MAPKBP1: variants seen among roughly 807,000 people sequenced by gnomAD.
MAPKBP1 encodes the protein mitogen-activated protein kinase binding protein 1, also known as mitogen-activated protein kinase-binding protein 1.
MAPKBP1 carries 71 observed loss-of-function variants against 170.5 expected under a neutral mutation model. The ratio of observed to expected loss-of-function variants is 0.42; its 90% CI spans 0.34 to 0.51. The LOEUF (loss-of-function observed/expected upper bound fraction) is 0.51. MAPKBP1 is among the 20% of genes least tolerant of loss of function. The pLI is 0.06. For synonymous variants in MAPKBP1, 719 were observed against 757.9 expected (o/e 0.95, Z 0.84); for missense variants, 1,598 against 1,933.0 (o/e 0.83, Z 3.25).
chr15:41,811,660 T>C (rs754500541), intron 5 of MAPKBP1: 4 of 635,310 alleles, frequency 6.3e-6, no homozygotes, highest in South Asian at 4.5e-5. Context: ...TAGACCTGAG[T>C]GGTAGTGGCT....
intron 3 of MAPKBP1, 51 bp from the exon 4 acceptor site, chr15:41,810,832 C>T: frequency 6.3e-7 from 1 of 1,579,106 alleles, no homozygotes; most frequent in South Asian, 1.1e-5. Flanking sequence ...TGGAGGGCTC[C>T]TGGGGGAGCT....
intron 2 of MAPKBP1, among the ~76,000 whole-genome samples, chr15:41,775,894 A>T (rs12905631): frequency 3.3e-4 from 51 of 152,350 alleles, no homozygotes; most frequent in Admixed American, 1.4e-3. Flanking sequence ...TGTCTCTTCA[A>T]GAGGCTAACT....
chr15:41,819,547 C>CGGGGGGGGGGTGGGGGGGGGGG, intron 21 of MAPKBP1, 48 bp from the exon 22 acceptor site: 2 of 1,228,204 alleles, frequency 1.6e-6, no homozygotes, highest in African/African-American at 1.9e-5. Context: ...GGTTGGGTGG[C>CGGGGGGGGGGTGGGGGGGGGGG]GGGGGGGGGG....
intron 2 of MAPKBP1, among the ~76,000 whole-genome samples, chr15:41,782,420 T>A (rs978844071): frequency 6.6e-6 from 1 of 152,206 alleles, no homozygotes; most frequent in Non-Finnish European, 1.5e-5. Flanking sequence ...AGGGACGTGA[T>A]GCGAATGTTG....
Position 41,816,981 on chromosome 15 carries a change from C to T in MAPKBP1, c.1657C>T (p.Leu553=). The T allele has an allele frequency of 6.2e-7, 1 of 1,611,880 alleles. No individual in the cohort carries two copies. The highest frequency in any genetic ancestry group is 8.5e-7 in the Non-Finnish European group (1 of 1,178,438). Residue 553 remains leucine (L), a synonymous_variant, in exon 14 of 31, where the codon CTA becomes TTA. Transcript: ENST00000457542. ...GCTGGATGCCGGGCGGGAGTACAGC[C>T]TACAGCAGACGCTGGACGAACACTC... is the stretch of plus-strand genomic sequence containing the variant. The part of the protein sequence containing the change: ...HVLDAGREYS[L]QQTLDEHSSS...
Position 41,822,113 on chromosome 15 carries a change from G to A in MAPKBP1, c.3031+3G>A, listed in dbSNP as rs1294869017. 2 of 1,600,618 alleles carry A rather than the reference G, an allele frequency of 1.2e-6. No individual in the cohort carries two copies. The highest frequency in any genetic ancestry group is 1.7e-6 in the Non-Finnish European group (2 of 1,173,280). The stretch of plus-strand genomic sequence containing the variant: ...CAGCCCGGAGCACCCCACTGAAGGT[G>A]AGGCTGTAGCCTGGAGGGAGGGGCC... On this transcript the variant is annotated splice_donor_region_variant and intron_variant, in intron 25 of 30. Coordinates refer to ENST00000457542, the MANE Select transcript of MAPKBP1 (RefSeq NM_014994.3).
At position 41,824,552 on chromosome 15, in the gene MAPKBP1, G is replaced by T. The variant is rs561678673; in HGVS notation, c.4282G>T (p.Val1428Leu). The T allele has an allele frequency of 1.2e-4, 196 of 1,599,426 alleles. No individual in the cohort carries two copies. Among genetic ancestry groups the T allele is most frequent in the Admixed American group, 7.7e-4 (45 of 58,552 alleles). The change falls in exon 30 of 31, where the codon GTG (valine) becomes TTG (leucine). Residue 1428 changes from valine to leucine, a missense_variant. Val to Leu is a conservative substitution (Grantham distance 32, BLOSUM62 1). Coordinates refer to ENST00000457542, the MANE Select transcript of MAPKBP1 (RefSeq NM_014994.3). Reference sequence around the variant, plus strand: ...GCTCCGCGGCAGCGTGCGCCAGGCAGTGCGGCTCTACCACTCGGTGGGTGT... The same window carrying T: ...GCTCCGCGGCAGCGTGCGCCAGGCATTGCGGCTCTACCACTCGGTGGGTGT... ...AELRGSVRQA[V>L]RLYHSVAGCK...
chr15:41,817,086 A>G lies in MAPKBP1; in HGVS notation c.1711+51A>G, dbSNP rs1188209171. The G allele has an allele frequency of 4.6e-6, 7 of 1,535,532 alleles. No homozygotes were observed. In the Admixed American group the frequency reaches 7.9e-5, roughly 17 times the overall value. On this transcript the variant is annotated intron_variant, in intron 14 of 30. Transcript: ENST00000457542. The surrounding 1 kb of genome is among the most constrained non-coding windows in gnomAD (Gnocchi z 4.2). ...TCCTGCCACTCTCACCCCTGCTGCCATCTGCCTCCCACCTCCATGAGAAGG... is the reference window on the plus strand; with the variant it reads ...TCCTGCCACTCTCACCCCTGCTGCCGTCTGCCTCCCACCTCCATGAGAAGG...
intron 5 of MAPKBP1, 51 bp downstream of exon 5, chr15:41,811,286 C>T: frequency 6.2e-7 from 1 of 1,603,218 alleles, no homozygotes; most frequent in Non-Finnish European, 8.5e-7. Context: ...GGTGTCCTGG[C>T]CTCCGCAGAG....
At chr15:41,808,842 G>A (rs1567146309) in intron 3 of MAPKBP1, among the ~76,000 whole-genome samples, 1 of 151,928 alleles carries the variant, frequency 6.6e-6, no homozygotes, top group South Asian at 2.1e-4. Flanking sequence ...CTAGAAAGTG[G>A]TATAAAAAGA....
rs376788678 is a variant in MAPKBP1 at position 41,799,656 on chromosome 15, G to T, written c.115-167G>T. On this transcript the variant is annotated intron_variant, in intron 2 of 30. Transcript: ENST00000457542. Reference sequence around the variant, plus strand: ...TGGGTTTTTCCCGTGTGATCAAGAAGCCCGGTGGGCAGAACAGAAGAAGCT... The same window carrying T: ...TGGGTTTTTCCCGTGTGATCAAGAATCCCGGTGGGCAGAACAGAAGAAGCT... Among the ~76,000 whole-genome samples, 49 of 152,326 alleles carry T rather than the reference G, an allele frequency of 3.2e-4. 1 individual carries two copies. The South Asian group carries it at 9.3e-3, about 29-fold the overall frequency.
intron 3 of MAPKBP1, among the ~76,000 whole-genome samples, chr15:41,808,062 A>G (rs990524854): frequency 2.0e-5 from 3 of 150,628 alleles, no homozygotes; most frequent in Non-Finnish European, 3.0e-5. Flanking sequence ...AAAAAAATCT[A>G]AATCTGTGCA....
chr15:41,794,930 C>T (rs1596072833), intron 2 of MAPKBP1, among the ~76,000 whole-genome samples: 1 of 151,892 alleles, frequency 6.6e-6, no homozygotes. Context: ...TTTGGGAGGC[C>T]GAGGCGGGCA....
chr15:41,818,665 G>A lies in MAPKBP1; in HGVS notation c.2156+83G>A. The A allele has an allele frequency of 1.3e-6, 2 of 1,510,452 alleles. No homozygotes were observed. Among genetic ancestry groups the A allele is most frequent in the Non-Finnish European group, 1.8e-6 (2 of 1,105,380 alleles). 93.6% of individuals were successfully genotyped at this position (1,510,452 alleles called of 1,614,324 possible). On this transcript the variant is annotated intron_variant, in intron 19 of 30. Transcript: ENST00000457542. The surrounding 1 kb of genome is among the most constrained non-coding windows in gnomAD (Gnocchi z 5.2). ...CCTCCCCTCTCTCCATTTCAGTGAT[G>A]TCTCTGGGAAGTGGGGTTAACAGGG...
chr15:41,817,994 C>CT lies in MAPKBP1; in HGVS notation c.1905-14dup. ...TCACCGCCTCCTCATGAGAAAGAGA[C>CT]TATGTTTCTTACAGGATATTTAACA... is the stretch of plus-strand genomic sequence containing the variant. On this transcript the variant is annotated splice_polypyrimidine_tract_variant and intron_variant, in intron 16 of 30. Transcript: ENST00000457542. The surrounding 1 kb of genome is among the most constrained non-coding windows in gnomAD (Gnocchi z 4.2). 6.2e-7 allele frequency: 1 copy of CT among 1,613,490 alleles called. No homozygotes were observed. Among genetic ancestry groups the CT allele is most frequent in the Non-Finnish European group, 8.5e-7 (1 of 1,179,412 alleles).
rs768011316 is a variant in MAPKBP1 at position 41,775,380 on chromosome 15, C to A, written c.105C>A (p.Leu35=). The A allele has an allele frequency of 7.4e-6, 12 of 1,613,502 alleles. No individual in the cohort carries two copies. The highest frequency in any genetic ancestry group is 1.0e-5 in the Non-Finnish European group (12 of 1,179,374). Residue 35 remains leucine, a synonymous_variant, in exon 2 of 31, where the codon CTC becomes CTA. Transcript: ENST00000457542. Reference sequence around the variant, plus strand: ...AGGCAGGAAACCGACGAGAGGACCTCAGCTCCAAGGTGAGTCCTGTTGGGA... The same window carrying A: ...AGGCAGGAAACCGACGAGAGGACCTAAGCTCCAAGGTGAGTCCTGTTGGGA... ...RSKAGNRRED[L]SSKVTLEKVL...
In MAPKBP1 at chr15:41,827,025, G is replaced by C. The variant is rs1038233529; in HGVS notation, c.*1589G>C. The C allele has an allele frequency of 6.6e-6, 1 of 152,242 alleles. No individual in the cohort carries two copies. Among genetic ancestry groups the C allele is most frequent in the Non-Finnish European group, 1.5e-5 (1 of 68,114 alleles). The allele number at this position is 152,242 out of a possible 1,614,324, so 9.4% of individuals were successfully genotyped here. A position where few individuals can be genotyped will look rare whatever the true frequency, so the allele number is the denominator to read the frequency against. On this transcript the variant is annotated 3_prime_UTR_variant, in exon 31 of 31. Transcript: ENST00000457542. ...AGAAATGGGTTCTGGGCCAGGTGTGGTGGCTCAAGCCTGTAATCCCAGCAC... is the reference window on the plus strand; with the variant it reads ...AGAAATGGGTTCTGGGCCAGGTGTGCTGGCTCAAGCCTGTAATCCCAGCAC...
chr15:41,796,699 G>C (rs2064496756), intron 2 of MAPKBP1, among the ~76,000 whole-genome samples: 1 of 152,132 alleles, frequency 6.6e-6, no homozygotes, highest in Non-Finnish European at 1.5e-5. Context: ...GCAAACTCCT[G>C]CCTGTGGGGT....
At chr15:41,774,686 C>G (rs2064065362) in intron 1 of MAPKBP1, 76 bp downstream of exon 1, 1 of 398,900 alleles carries the variant, frequency 2.5e-6, no homozygotes, top group Non-Finnish European at 4.4e-6. Context: ...AGGTCCAGAG[C>G]CGCTGTGGAG....
Sources: allele counts gnomAD v4.1 joint callset (sites outside exome capture counted in the v4.1 genomes callset), GRCh38; gene constraint gnomAD v4.1.1; non-coding constraint Gnocchi (gnomAD v3.1); transcripts MANE v1.5; gene names NCBI Gene and HGNC (gene_info 2026-07-23, HGNC 2026-07-21).